Variants in CIPC observed in about 807,000 individuals in gnomAD.
CIPC encodes CLOCK-interacting pacemaker.
CIPC carries 12 observed loss-of-function variants against 26.7 expected under a neutral mutation model. That is an observed-to-expected ratio of 0.45 (90% CI 0.29 to 0.73). The LOEUF (loss-of-function observed/expected upper bound fraction) is 0.73, where lower values mean the gene tolerates loss of function less well. Ranked by LOEUF, CIPC falls within the 30% of genes least tolerant of loss-of-function variation. CIPC has a pLI of 0.12. For missense variants in CIPC, 417 were observed against 486.5 expected (o/e 0.86, Z 1.34); for synonymous variants, 170 against 189.8 (o/e 0.90, Z 0.86).
intron 1 of CIPC, among the ~76,000 whole-genome samples, chr14:77,105,325 T>A (rs1385371953): frequency 6.6e-6 from 1 of 152,142 alleles, no homozygotes; most frequent in East Asian, 1.9e-4. Context: ...CACTCCCCTG[T>A]CCCCTCTCCC....
At chr14:77,105,927 TAAGGATGGGATGC>T (rs1886583305) in intron 2 of CIPC, 83 bp downstream of exon 2, 1 of 1,516,644 alleles carries the variant, frequency 6.6e-7, no homozygotes, top group Non-Finnish European at 9.1e-7. Context: ...ATTTATGTGA[TAAGGATGGGATGC>T]TTTCACACAC....
rs1311552738 is a variant in CIPC at position 77,098,336 on chromosome 14, T to A, written c.-78T>A. Reference sequence around the variant, plus strand: ...ATGCGCCACCTGACCCACAGGCCGGTCGTGGAGCTGCGACCCCGGCCCTAG... The same window carrying A: ...ATGCGCCACCTGACCCACAGGCCGGACGTGGAGCTGCGACCCCGGCCCTAG... On this transcript the variant is annotated 5_prime_UTR_variant, in exon 1 of 4. Transcript: ENST00000361786. 6.6e-6 allele frequency: 1 copy of A among 152,372 alleles called. No homozygotes were observed. Among genetic ancestry groups the A allele is most frequent in the Non-Finnish European group, 1.5e-5 (1 of 68,004 alleles). 9.4% of individuals were successfully genotyped at this position (152,372 alleles called of 1,614,324 possible).
In CIPC at chr14:77,114,998, T is replaced by G. The variant is rs2140037236; in HGVS notation, c.*680T>G. ...CAGGCAAAAACAGTACTTCCAAATT[T>G]TAAGGTATGGAATGAATGCAGTACA... On this transcript the variant is annotated 3_prime_UTR_variant, in exon 4 of 4. Coordinates refer to ENST00000361786, the MANE Select transcript of CIPC (RefSeq NM_033426.3). The G allele has an allele frequency of 6.6e-6, 1 of 152,324 alleles. No homozygotes were observed. The highest frequency in any genetic ancestry group is 1.9e-4 in the East Asian group (1 of 5,190). The allele number at this position is 152,324 out of a possible 1,614,324, so 9.4% of individuals were successfully genotyped here.
rs1253183684 is a variant in CIPC, at chr14:77,098,332, C to G, written c.-82C>G. 6.5e-6 allele frequency: 1 copy of G among 152,680 alleles called. No individual in the cohort carries two copies. Among genetic ancestry groups the G allele is most frequent in the Non-Finnish European group, 1.5e-5 (1 of 68,076 alleles). 9.5% of individuals were successfully genotyped at this position (152,680 alleles called of 1,614,324 possible). ...GCGCATGCGCCACCTGACCCACAGGCCGGTCGTGGAGCTGCGACCCCGGCC... is the reference window on the plus strand; with the variant it reads ...GCGCATGCGCCACCTGACCCACAGGGCGGTCGTGGAGCTGCGACCCCGGCC... On this transcript the variant is annotated 5_prime_UTR_variant, in exon 1 of 4. Transcript: ENST00000361786.
intron 2 of CIPC, 150 bp from the exon 3 acceptor site, chr14:77,109,662 T>A: frequency 1.6e-6 from 1 of 612,296 alleles, no homozygotes; most frequent in Non-Finnish European, 2.8e-6. Context: ...GAAAAGCCAA[T>A]GAAAGCTAAA....
intron 1 of CIPC, among the ~76,000 whole-genome samples, chr14:77,100,469 T>C (rs1443149685): frequency 6.6e-6 from 1 of 151,992 alleles, no homozygotes; most frequent in Non-Finnish European, 1.5e-5. Context: ...CTCCAACTCC[T>C]GACCTCAGGT....
chr14:77,116,088 C>T lies in CIPC; in HGVS notation c.*1770C>T, dbSNP rs1328917607. ...CTAACATAGTTTAAAAAGTATGTGGCTTCAGATTGCCTATACTTTGTTCAC... is the reference window on the plus strand; with the variant it reads ...CTAACATAGTTTAAAAAGTATGTGGTTTCAGATTGCCTATACTTTGTTCAC... On this transcript the variant is annotated 3_prime_UTR_variant, in exon 4 of 4. Coordinates refer to ENST00000361786, the MANE Select transcript of CIPC (RefSeq NM_033426.3). 6.6e-6 allele frequency: 1 copy of T among 152,190 alleles called. No individual in the cohort carries two copies. Among genetic ancestry groups the T allele is most frequent in the Non-Finnish European group, 1.5e-5 (1 of 68,030 alleles). 9.4% of individuals were successfully genotyped at this position (152,190 alleles called of 1,614,324 possible).
chr14:77,102,282 C>T (rs1004950576), intron 1 of CIPC, among the ~76,000 whole-genome samples: 6 of 152,096 alleles, frequency 3.9e-5, no homozygotes, highest in Admixed American at 6.5e-5. Context: ...CAGATAATTT[C>T]TTTATGGCCA....
chr14:77,105,881 G>GA, intron 2 of CIPC, 37 bp downstream of exon 2: 1 of 1,607,538 alleles, frequency 6.2e-7, no homozygotes, highest in Non-Finnish European at 8.5e-7. Context: ...TTTTGTGAGT[G>GA]AATGCTTTGC....
chr14:77,107,850 A>G (rs529628669), intron 2 of CIPC, among the ~76,000 whole-genome samples: 3 of 152,308 alleles, frequency 2.0e-5, no homozygotes, highest in East Asian at 1.9e-4. Context: ...CATTGTCCCA[A>G]TAATGTCCTT....
chr14:77,105,362 T>A (rs1025900355), intron 1 of CIPC, among the ~76,000 whole-genome samples: 2 of 152,184 alleles, frequency 1.3e-5, no homozygotes, highest in African/African-American at 4.8e-5. Context: ...TCGTTACCCA[T>A]TGGAAAAAGC....
rs997351698 is a variant in CIPC, at chr14:77,114,944, C to G, written c.*626C>G. Reference sequence around the variant, plus strand: ...TAGTACCATCTGACTCCTACACTTTCATTACAAGTCAGATTTTTCTTAAAC... The same window carrying G: ...TAGTACCATCTGACTCCTACACTTTGATTACAAGTCAGATTTTTCTTAAAC... On this transcript the variant is annotated 3_prime_UTR_variant, in exon 4 of 4. Transcript: ENST00000361786. 6.6e-6 allele frequency: 1 copy of G among 152,190 alleles called. No homozygotes were observed. Among genetic ancestry groups the G allele is most frequent in the Non-Finnish European group, 1.5e-5 (1 of 68,026 alleles). 9.4% of individuals were successfully genotyped at this position (152,190 alleles called of 1,614,324 possible).
chr14:77,112,273 A>G (rs1886719642), intron 3 of CIPC, among the ~76,000 whole-genome samples: 1 of 152,206 alleles, frequency 6.6e-6, no homozygotes, highest in Non-Finnish European at 1.5e-5. Flanking sequence ...GCTTTCAAAC[A>G]TTGGAGACAA....
chr14:77,113,275 A>G (rs1297860113), intron 3 of CIPC, 150 bp from the exon 4 acceptor site: 1 of 815,902 alleles, frequency 1.2e-6, no homozygotes, highest in Non-Finnish European at 2.0e-6. Context: ...ATCAGACACA[A>G]ATAGATGTTC....
chr14:77,111,275 G>A (rs1886694934), intron 3 of CIPC, among the ~76,000 whole-genome samples: 1 of 152,162 alleles, frequency 6.6e-6, no homozygotes, highest in African/African-American at 2.4e-5. Context: ...GTTACGGAGT[G>A]AGTAGGCTTT....
Position 77,113,721 on chromosome 14 carries a change from G to A in CIPC, c.603G>A (p.Glu201=). ...TTGGGCCTAGCTTGTCTTCCAGTGA[G>A]CCAACCAAGGCTGGTGCTGTCCCAT... ...ERLGPSLSSS[E]PTKAGAVPSS... The change falls in exon 4 of 4, where the codon GAG becomes GAA. Residue 201 remains glutamate, a synonymous_variant. Coordinates refer to ENST00000361786, the MANE Select transcript of CIPC (RefSeq NM_033426.3). 6.2e-7 allele frequency: 1 copy of A among 1,612,456 alleles called. No individual in the cohort carries two copies. The highest frequency in any genetic ancestry group is 2.2e-5 in the East Asian group (1 of 44,860).
intron 2 of CIPC, among the ~76,000 whole-genome samples, chr14:77,107,745 G>C (rs1886620358): frequency 2.6e-5 from 4 of 151,846 alleles, no homozygotes; most frequent in Middle Eastern, 3.4e-3. Flanking sequence ...TAAAAACAAG[G>C]ACATTCTTCT....
intron 3 of CIPC, among the ~76,000 whole-genome samples, chr14:77,112,421 T>A (rs1376245225): frequency 6.6e-6 from 1 of 152,202 alleles, no homozygotes; most frequent in Non-Finnish European, 1.5e-5. Context: ...GAGGATGGAA[T>A]CCTAACTGCA....
rs749447750 is a variant in CIPC at position 77,105,669 on chromosome 14, G to GAA, written c.-37_-36dup. 71 of 1,602,656 alleles carry GAA rather than the reference G, an allele frequency of 4.4e-5. No homozygotes were observed. The highest frequency in any genetic ancestry group is 5.5e-5 in the Non-Finnish European group (65 of 1,174,742). On this transcript the variant is annotated 5_prime_UTR_variant, in exon 2 of 4. It introduces an in-frame stop codon into an upstream open reading frame of the 5' UTR. Transcript: ENST00000361786. ...TTGTTTTTCATAGGGCAGTCCAGAT[G>GAA]AAAAGAGTACCAATGAATCTGCCTC... is the stretch of plus-strand genomic sequence containing the variant.
Sources: allele counts gnomAD v4.1 joint callset (sites outside exome capture counted in the v4.1 genomes callset), GRCh38; gene constraint gnomAD v4.1.1; transcripts MANE v1.5; gene names NCBI Gene and HGNC (gene_info 2026-07-23, HGNC 2026-07-21).